The following TBPL2 variants were observed in gnomAD, a reference collection of about 807,000 sequenced individuals.
The protein encoded by TBPL2 is TATA-box binding protein like 2.
TBPL2 carries 40 observed loss-of-function variants against 38.2 expected under a neutral mutation model. That is an observed-to-expected ratio of 1.05 (90% CI 0.81 to 1.36). The LOEUF is 1.36. TBPL2 is among the 40% of genes most tolerant of loss of function. The pLI, the probability that TBPL2 is intolerant of heterozygous loss-of-function variation, is 0.00. For synonymous variants in TBPL2, 169 were observed against 171.7 expected (o/e 0.98, Z 0.12); for missense variants, 461 against 456.7 (o/e 1.01, Z -0.09).
intron 6 of TBPL2, among the ~76,000 whole-genome samples, chr14:55,415,859 CTG>C: frequency 6.6e-6 from 1 of 152,232 alleles, no homozygotes; most frequent in East Asian, 1.9e-4. Flanking sequence ...CAGCGAGACT[CTG>C]TCTCAAAATA....
intron 5 of TBPL2, 21 bp from the exon 6 acceptor site, chr14:55,424,274 A>ACGC: frequency 6.6e-7 from 1 of 1,520,082 alleles, no homozygotes; most frequent in South Asian, 1.1e-5. Context: ...GTAAAAGGAA[A>ACGC]ATGTTAAAAA....
In TBPL2 at chr14:55,433,622, C is replaced by G. The variant is rs749637239; in HGVS notation, c.788+8G>C. ...CTCTGGTAGGGGTGGAGGGATGATTCCTCATACCTTTTGGCTCCCGTGCAG... is the reference window on the plus strand; with the variant it reads ...CTCTGGTAGGGGTGGAGGGATGATTGCTCATACCTTTTGGCTCCCGTGCAG... On this transcript the variant is annotated splice_region_variant and intron_variant, in intron 4 of 6. Coordinates refer to ENST00000247219, the Ensembl canonical transcript of TBPL2. 6.2e-7 allele frequency: 1 copy of G among 1,609,952 alleles called. No individual in the cohort carries two copies.
intron 4 of TBPL2, 113 bp from the exon 5 acceptor site, chr14:55,429,087 T>A: frequency 5.3e-6 from 7 of 1,330,340 alleles, no homozygotes; most frequent in Non-Finnish European, 7.2e-6. Context: ...ATGTATACTA[T>A]GAAGCTGTAG....
chr14:55,440,026 G>A (rs567578139), intron 1 of TBPL2, among the ~76,000 whole-genome samples: 30 of 151,588 alleles, frequency 2.0e-4, no homozygotes, highest in Non-Finnish European at 3.7e-4. Context: ...CTTGAACCCA[G>A]GAGGCGGAGG....
chr14:55,440,525 C>A (rs151017937), exon 1 of TBPL2: 1 of 1,608,006 alleles, frequency 6.2e-7, no homozygotes, highest in South Asian at 1.1e-5. Flanking sequence ...GAACCCGCTC[C>A]GGCCAGGGCG....
intron 1 of TBPL2, among the ~76,000 whole-genome samples, chr14:55,437,887 A>T (rs141876412): frequency 6.6e-6 from 1 of 152,238 alleles, no homozygotes; most frequent in Non-Finnish European, 1.5e-5. Context: ...TTACACTAGG[A>T]AAAAAGTTAT....
At chr14:55,427,961 C>T (rs1301580430) in intron 5 of TBPL2, among the ~76,000 whole-genome samples, 4 of 117,902 alleles carry the variant, frequency 3.4e-5, no homozygotes, top group Non-Finnish European at 5.9e-5. Flanking sequence ...CTGCAAGCTC[C>T]GTCTCCCGGG....
At position 55,414,219 on chromosome 14, in the gene TBPL2, A is replaced by C. The variant is rs142452015; in HGVS notation, c.*160T>G. 3 of 593,858 alleles carry C rather than the reference A, an allele frequency of 5.1e-6. No homozygotes were observed. The East Asian group carries it at 8.6e-5, about 17-fold the overall frequency. The allele number at this position is 593,858 out of a possible 1,614,324, so 36.8% of individuals were successfully genotyped here. On this transcript the variant is annotated 3_prime_UTR_variant, in exon 7 of 7. Coordinates refer to ENST00000247219, the Ensembl canonical transcript of TBPL2. ...AACACAAAAGGAGTCATTTTGAATA[A>C]GAATTTTTCTTCGTTTCTTAGGTTA...
intron 6 of TBPL2, among the ~76,000 whole-genome samples, chr14:55,417,218 G>T (rs375135787): frequency 1.2e-4 from 18 of 152,252 alleles, no homozygotes; most frequent in African/African-American, 4.3e-4. Context: ...AGAAGAGTGC[G>T]TGTAACCGGT....
chr14:55,425,601 G>T (rs2140170006), intron 5 of TBPL2, among the ~76,000 whole-genome samples: 1 of 152,280 alleles, frequency 6.6e-6, no homozygotes, highest in East Asian at 1.9e-4. Context: ...GTTAGGGATG[G>T]AGAACATTTC....
chr14:55,428,712 T>A, intron 5 of TBPL2, 95 bp downstream of exon 5: 1 of 1,293,912 alleles, frequency 7.7e-7, no homozygotes, highest in Non-Finnish European at 1.1e-6. Flanking sequence ...TTTTTTTTAA[T>A]CACAATTTCT....
chr14:55,439,617 C>CT (rs1555344747), intron 1 of TBPL2, among the ~76,000 whole-genome samples: 1 of 72,628 alleles, frequency 1.4e-5, no homozygotes, highest in African/African-American at 4.5e-5. Context: ...AAAGCAAACC[C>CT]CCCCCCGTCT....
At chr14:55,426,267 C>CA (rs201408961) in intron 5 of TBPL2, among the ~76,000 whole-genome samples, 12,232 of 128,270 alleles carry the variant, frequency 0.095, 560 homozygotes, top group Admixed American at 0.13. Flanking sequence ...AACTCCATCT[C>CA]AAAAAAAAAA....
At chr14:55,427,904 G>A (rs1293539742) in intron 5 of TBPL2, among the ~76,000 whole-genome samples, 1 of 140,586 alleles carries the variant, frequency 7.1e-6, no homozygotes, top group Non-Finnish European at 1.5e-5. Flanking sequence ...TTTTTGAGAC[G>A]GAGTCTGGCT....
intron 5 of TBPL2, among the ~76,000 whole-genome samples, chr14:55,427,315 CAAG>C (rs1885841421): frequency 6.6e-6 from 1 of 151,782 alleles, no homozygotes; most frequent in South Asian, 2.1e-4. Flanking sequence ...AAAACATAAT[CAAG>C]AGAAAAATAA....
chr14:55,419,786 G>T (rs943958399), intron 6 of TBPL2, among the ~76,000 whole-genome samples: 10 of 152,158 alleles, frequency 6.6e-5, no homozygotes, highest in African/African-American at 2.4e-4. Context: ...TATGGGCATT[G>T]GCATTCTACA....
chr14:55,436,848 G>T (rs781227194), exon 2 of TBPL2: 40 of 1,614,016 alleles, frequency 2.5e-5, no homozygotes, highest in Non-Finnish European at 3.1e-5. Context: ...TATTTTCCTG[G>T]GTAACTTCAT....
intron 4 of TBPL2, among the ~76,000 whole-genome samples, chr14:55,429,543 C>T (rs1594792448): frequency 6.6e-6 from 1 of 152,244 alleles, no homozygotes; most frequent in South Asian, 2.1e-4. Flanking sequence ...GCAGGCAGCT[C>T]ACCTGAGGAC....
chr14:55,435,667 G>A (rs1029006851), intron 3 of TBPL2, among the ~76,000 whole-genome samples, 180 bp downstream of exon 3: 2 of 152,122 alleles, frequency 1.3e-5, no homozygotes, highest in South Asian at 4.1e-4. Flanking sequence ...GCTTTATTCA[G>A]CATAAAGAAT....
Sources: gnomAD v4.1 joint callset for allele counts (sites outside exome capture counted in the v4.1 genomes callset) on GRCh38, gnomAD v4.1.1 for gene constraint, MANE v1.5 for transcripts, NCBI Gene and HGNC (gene_info 2026-07-23, HGNC 2026-07-21) for gene names.